SLC16A7: variants seen among roughly 807,000 people sequenced by gnomAD.
SLC16A7 encodes monocarboxylate transporter 2.
Under a neutral mutation model 34.9 loss-of-function variants are expected in SLC16A7, and 33 were observed. That is an observed-to-expected ratio of 0.94 (90% CI 0.72 to 1.26). The LOEUF (loss-of-function observed/expected upper bound fraction) is 1.26. Ranked by LOEUF, SLC16A7 falls within the 50% of genes most tolerant of loss-of-function variation. The probability of loss-of-function intolerance (pLI) is 0.00; values close to 1 mark genes in which losing one functional copy is unlikely to be tolerated. For missense variants in SLC16A7, 573 were observed against 578.1 expected, an observed-to-expected ratio of 0.99 and a Z score of 0.09; for synonymous variants, 201 against 206.6, an observed-to-expected ratio of 0.97 and a Z score of 0.23.
intron 3 of SLC16A7, among the ~76,000 whole-genome samples, chr12:59,753,206 A>G (rs1167942377): frequency 3.9e-5 from 6 of 152,228 alleles, no homozygotes; most frequent in Non-Finnish European, 8.8e-5. Context: ...ACTAACGAGC[A>G]AAATAACCAG....
intron 1 of SLC16A7, among the ~76,000 whole-genome samples, chr12:59,602,108 A>G (rs903319110): frequency 5.9e-5 from 9 of 152,218 alleles, no homozygotes; most frequent in African/African-American, 2.2e-4. Flanking sequence ...AGATTGTTTA[A>G]ACAATTTATT....
chr12:59,773,668 G>A (rs941459327), intron 4 of SLC16A7, among the ~76,000 whole-genome samples: 5 of 151,808 alleles, frequency 3.3e-5, no homozygotes, highest in East Asian at 1.9e-4. Context: ...CAGTCCAAGC[G>A]ATTCTCTTGC....
At chr12:59,662,399 G>C (rs1292678007) in intron 2 of SLC16A7, among the ~76,000 whole-genome samples, 1 of 151,986 alleles carries the variant, frequency 6.6e-6, no homozygotes, top group East Asian at 1.9e-4. Flanking sequence ...TTTCTCCTAA[G>C]ACTATCTGCA....
intron 2 of SLC16A7, among the ~76,000 whole-genome samples, chr12:59,695,553 T>C (rs1379643867): frequency 6.6e-6 from 1 of 152,056 alleles, no homozygotes; most frequent in Non-Finnish European, 1.5e-5. Flanking sequence ...CTCATAGTCT[T>C]CCTAGTCCCC....
rs1457512162 is a variant in SLC16A7 at position 59,787,266 on chromosome 12, C to G, written c.*7587C>G. 6.6e-6 allele frequency: 1 copy of G among 152,116 alleles called. No homozygotes were observed. The highest frequency in any genetic ancestry group is 1.5e-5 in the Non-Finnish European group (1 of 68,016). The allele number at this position is 152,116 out of a possible 1,614,324, so 9.4% of individuals were successfully genotyped here. ...CAAGAAATTATTGCCATAGCATAGT[C>G]TTGAGGAGAACACCTCTACAGTATT... On this transcript the variant is annotated 3_prime_UTR_variant, in exon 6 of 6. Coordinates refer to ENST00000547379, the MANE Select transcript of SLC16A7 (RefSeq NM_001270623.2).
intron 3 of SLC16A7, among the ~76,000 whole-genome samples, chr12:59,746,454 A>G (rs921638614): frequency 7.2e-5 from 11 of 152,234 alleles, no homozygotes; most frequent in Admixed American, 2.6e-4. Flanking sequence ...TACAATCAGA[A>G]AAGAGTTTTA....
chr12:59,664,895 G>A (rs1217730742), intron 2 of SLC16A7: 1 of 152,144 alleles, frequency 6.6e-6, no homozygotes, highest in African/African-American at 2.4e-5. Flanking sequence ...TCTCTTCTTA[G>A]CCCTGAGCCT....
rs541502140 is a variant in SLC16A7 at position 59,633,887 on chromosome 12, C to T, written c.-129-21265C>T. ...CATCAAATCACCTCCCACCAGCTCC[C>T]TCCTTCAACACAAGGATTACAACTG... is the stretch of plus-strand genomic sequence containing the variant. On this transcript the variant is annotated intron_variant, in intron 1 of 5. Coordinates refer to ENST00000547379, the MANE Select transcript of SLC16A7 (RefSeq NM_001270623.2). Among the ~76,000 whole-genome samples the T allele has an allele frequency of 4.6e-5, 7 of 152,164 alleles. No individual in the cohort carries two copies. The South Asian group carries it at 1.2e-3, about 27-fold the overall frequency.
intron 3 of SLC16A7, among the ~76,000 whole-genome samples, chr12:59,757,573 C>T (rs982740788): frequency 4.6e-5 from 7 of 152,078 alleles, no homozygotes; most frequent in Admixed American, 1.3e-4. Context: ...TCTATAGAAA[C>T]ATTTTTAGAG....
chr12:59,669,969 C>A lies in SLC16A7; in HGVS notation c.-31+14719C>A, dbSNP rs536489044. 2.0e-5 allele frequency among the ~76,000 whole-genome samples: 3 copies of A among 152,254 alleles called. No homozygotes were observed. In the East Asian group the frequency reaches 5.8e-4, roughly 29 times the overall value. On this transcript the variant is annotated intron_variant, in intron 2 of 5. Coordinates refer to ENST00000547379, the MANE Select transcript of SLC16A7 (RefSeq NM_001270623.2). ...AGTTCTTATTAAGCACTTTCTAGGG[C>A]TGCCATAACAAAGTACCATAAACTG...
chr12:59,716,595 C>G (rs1173429349), intron 3 of SLC16A7, among the ~76,000 whole-genome samples: 1 of 152,118 alleles, frequency 6.6e-6, no homozygotes, highest in South Asian at 2.1e-4. Flanking sequence ...TGCCTGTAAT[C>G]CCAGAACTTT....
At chr12:59,609,825 C>G (rs1879112865) in intron 1 of SLC16A7, among the ~76,000 whole-genome samples, 1 of 152,068 alleles carries the variant, frequency 6.6e-6, no homozygotes, top group African/African-American at 2.4e-5. Context: ...TTGGTACTCT[C>G]TTGGTGTCTG....
At chr12:59,717,797 G>A (rs1333924022) in intron 3 of SLC16A7, among the ~76,000 whole-genome samples, 2 of 152,124 alleles carry the variant, frequency 1.3e-5, no homozygotes, top group Non-Finnish European at 2.9e-5. Flanking sequence ...GTTTATATTT[G>A]TAATCTCTTG....
chr12:59,647,869 C>G (rs957420011), intron 1 of SLC16A7, among the ~76,000 whole-genome samples: 5 of 151,160 alleles, frequency 3.3e-5, no homozygotes, highest in African/African-American at 1.2e-4. Context: ...ATGGTGACCA[C>G]AAAACATGGT....
intron 1 of SLC16A7, among the ~76,000 whole-genome samples, chr12:59,619,768 A>G (rs1360321751): frequency 6.6e-6 from 1 of 152,022 alleles, no homozygotes; most frequent in Non-Finnish European, 1.5e-5. Context: ...GGCAAGGAGA[A>G]GAATGGGACA....
chr12:59,706,157 T>A (rs190487402), intron 3 of SLC16A7, among the ~76,000 whole-genome samples: 1 of 152,280 alleles, frequency 6.6e-6, no homozygotes, highest in East Asian at 1.9e-4. Context: ...GACTTTCTCA[T>A]AACTTTCTCT....
chr12:59,644,233 T>G (rs1431714705), intron 1 of SLC16A7, among the ~76,000 whole-genome samples: 1 of 152,134 alleles, frequency 6.6e-6, no homozygotes, highest in Non-Finnish European at 1.5e-5. Context: ...TGCCGGATGT[T>G]AACGACAACC....
intron 2 of SLC16A7, among the ~76,000 whole-genome samples, chr12:59,687,996 G>A (rs906283995): frequency 6.6e-6 from 1 of 152,036 alleles, no homozygotes; most frequent in Admixed American, 6.6e-5. Context: ...CAATTCACTC[G>A]TAAGTGTATG....
At chr12:59,706,524 T>C (rs551265084) in intron 3 of SLC16A7, among the ~76,000 whole-genome samples, 1 of 152,274 alleles carries the variant, frequency 6.6e-6, no homozygotes, top group African/African-American at 2.4e-5. Flanking sequence ...ATCCTTTAAA[T>C]ACTATTTGGG....
Sources: allele counts gnomAD v4.1 joint callset (sites outside exome capture counted in the v4.1 genomes callset), GRCh38; gene constraint gnomAD v4.1.1; transcripts MANE v1.5; gene names NCBI Gene and HGNC (gene_info 2026-07-23, HGNC 2026-07-21).